The following PPP1R21 variants were observed in gnomAD, a reference collection of about 807,000 sequenced individuals.
The protein encoded by PPP1R21 is KLRAQ motif containing 1.
In PPP1R21, 85 loss-of-function variants were observed where a neutral mutation model predicts 112.8. The ratio of observed to expected loss-of-function variants is 0.75; its 90% CI spans 0.63 to 0.90. The LOEUF is 0.90. PPP1R21 is among the 40% of genes least tolerant of loss of function. The pLI, the probability that PPP1R21 is intolerant of heterozygous loss-of-function variation, is 0.00. For synonymous variants in PPP1R21, 381 were observed against 322.3 expected (o/e 1.18, Z -1.95); for missense variants, 1,199 against 901.5 (o/e 1.33, Z -4.23).
At chr2:48,504,260 G>A (rs1405637664) in intron 17 of PPP1R21, among the ~76,000 whole-genome samples, 1 of 152,120 alleles carries the variant, frequency 6.6e-6, no homozygotes, top group Non-Finnish European at 1.5e-5. Flanking sequence ...TTACAGCCAG[G>A]TGGGCATAAC....
intron 21 of PPP1R21, among the ~76,000 whole-genome samples, 158 bp downstream of exon 21, chr2:48,511,626 C>G (rs1477998740): frequency 6.6e-6 from 1 of 150,706 alleles, no homozygotes. Flanking sequence ...CTTTGGGAGG[C>G]TGAGGTGGGA....
chr2:48,475,496 G>A (rs74720534), intron 12 of PPP1R21, among the ~76,000 whole-genome samples: 13,985 of 152,196 alleles, frequency 0.092, 732 homozygotes, highest in Non-Finnish European at 0.11. Flanking sequence ...AACAAGTAGC[G>A]TAGGGGAGCT....
rs1180197196 is a variant in PPP1R21 at position 48,498,647 on chromosome 2, C to T, written c.1847C>T (p.Ala616Val). The part of the protein sequence containing the change: ...NTGSAQLVGL[A>V]QENAAVSNTA... ...GGTAGTGCCCAGCTGGTTGGGCTGG[C>T]CCAGGAAAATGCTGCTGTGTCAAAT... Residue 616 changes from alanine to valine, a missense_variant, in exon 17 of 22, where the codon GCC (alanine) becomes GTC (valine). Ala to Val is a moderately conservative substitution (Grantham distance 64). Coordinates refer to ENST00000294952, the MANE Select transcript of PPP1R21 (RefSeq NM_001135629.3). 1 of 1,614,212 alleles carries T rather than the reference C, an allele frequency of 6.2e-7. No homozygotes were observed.
intron 1 of PPP1R21, among the ~76,000 whole-genome samples, chr2:48,450,129 C>T (rs1667411011): frequency 6.6e-6 from 1 of 152,138 alleles, no homozygotes; most frequent in Non-Finnish European, 1.5e-5. Flanking sequence ...AGTTTTACCT[C>T]TTTCTCCAAA....
chr2:48,506,309 G>T (rs1171588477), intron 18 of PPP1R21, among the ~76,000 whole-genome samples: 1 of 152,120 alleles, frequency 6.6e-6, no homozygotes, highest in Non-Finnish European at 1.5e-5. Flanking sequence ...GGCCAGGCTG[G>T]TCTCAAACTC....
At chr2:48,462,450 A>T (rs1191649809) in intron 7 of PPP1R21, among the ~76,000 whole-genome samples, 1 of 152,182 alleles carries the variant, frequency 6.6e-6, no homozygotes, top group East Asian at 1.9e-4. Flanking sequence ...TGGTGTGGGG[A>T]AGCCTTCCCA....
At chr2:48,473,273 C>T (rs1668605631) in intron 11 of PPP1R21, among the ~76,000 whole-genome samples, 1 of 149,298 alleles carries the variant, frequency 6.7e-6, no homozygotes, top group Admixed American at 6.7e-5. Context: ...TATTTTAGAT[C>T]ATTATATGTT....
intron 9 of PPP1R21, among the ~76,000 whole-genome samples, chr2:48,468,825 A>ACGTATGTG (rs1553339031): frequency 4.6e-5 from 2 of 43,906 alleles, no homozygotes; most frequent in African/African-American, 1.7e-4. Context: ...AAGAAAAAAA[A>ACGTATGTG]TGTATGTGTG....
chr2:48,511,096 A>G (rs896683856), intron 20 of PPP1R21, among the ~76,000 whole-genome samples: 1 of 152,172 alleles, frequency 6.6e-6, no homozygotes, highest in African/African-American at 2.4e-5. Context: ...TATTTTGATT[A>G]TTTTGATACC....
intron 3 of PPP1R21, among the ~76,000 whole-genome samples, chr2:48,457,607 CTATT>C (rs1413044228): frequency 1.3e-5 from 2 of 151,938 alleles, no homozygotes; most frequent in African/African-American, 4.8e-5. Flanking sequence ...GAGAATTTTC[CTATT>C]TATTTATAAT....
At chr2:48,481,281 G>A (rs1014598643) in intron 13 of PPP1R21, among the ~76,000 whole-genome samples, 1 of 152,216 alleles carries the variant, frequency 6.6e-6, no homozygotes, top group Admixed American at 6.5e-5. Flanking sequence ...GAGCCACTGG[G>A]CCTGGCCCCA....
rs1383283045 is a variant in PPP1R21, at chr2:48,509,630, G to A, written c.2086-385G>A. 3.9e-5 allele frequency among the ~76,000 whole-genome samples: 6 copies of A among 151,950 alleles called. No individual in the cohort carries two copies. The East Asian group carries it at 7.7e-4, about 20-fold the overall frequency. On this transcript the variant is annotated intron_variant, in intron 19 of 21. Coordinates refer to ENST00000294952, the MANE Select transcript of PPP1R21 (RefSeq NM_001135629.3). ...TGAGGCAGGAGGATCACTTGAACCCGGGAGGTGGAGGTTGCAGTGAGCCAA... is the reference window on the plus strand; with the variant it reads ...TGAGGCAGGAGGATCACTTGAACCCAGGAGGTGGAGGTTGCAGTGAGCCAA...
chr2:48,468,987 G>T (rs1299909707), intron 9 of PPP1R21, among the ~76,000 whole-genome samples: 1 of 151,884 alleles, frequency 6.6e-6, no homozygotes, highest in Non-Finnish European at 1.5e-5. Context: ...ACATGGCTGG[G>T]GAGGCCTCAG....
chr2:48,489,558 C>G (rs1025526187), intron 14 of PPP1R21, among the ~76,000 whole-genome samples: 45 of 151,860 alleles, frequency 3.0e-4, no homozygotes, highest in African/African-American at 1.1e-3. Flanking sequence ...CCAGGCTGGT[C>G]TTGAACTCTG....
At chr2:48,447,569 A>G (rs1363493377) in intron 1 of PPP1R21, among the ~76,000 whole-genome samples, 1 of 152,174 alleles carries the variant, frequency 6.6e-6, no homozygotes, top group African/African-American at 2.4e-5. Flanking sequence ...ACCATCCGGT[A>G]ATCTTATACC....
At chr2:48,485,930 A>G (rs1669270362) in intron 13 of PPP1R21, among the ~76,000 whole-genome samples, 1 of 40,806 alleles carries the variant, frequency 2.5e-5, no homozygotes, top group African/African-American at 8.7e-5. Flanking sequence ...AATATATACA[A>G]TTGTATATAC....
At chr2:48,452,557 T>C (rs1667525039) in intron 2 of PPP1R21, among the ~76,000 whole-genome samples, 1 of 146,142 alleles carries the variant, frequency 6.8e-6, no homozygotes, top group Non-Finnish European at 1.5e-5. Context: ...AAATAAATTA[T>C]TTTTTTTTTT....
chr2:48,480,273 C>G (rs1396322482), intron 13 of PPP1R21, among the ~76,000 whole-genome samples: 1 of 152,174 alleles, frequency 6.6e-6, no homozygotes, highest in Admixed American at 6.5e-5. Flanking sequence ...ATACGTTACA[C>G]TGACTTTAGG....
Position 48,486,771 on chromosome 2 carries a change from T to C in PPP1R21, c.1446+13T>C, listed in dbSNP as rs548060129. ...TGGAGCAGGAAAGGTAATTCTCTTC[T>C]GGCGTATATTGATGTTAAAACTCTT... On this transcript the variant is annotated intron_variant, in intron 14 of 21. Transcript: ENST00000294952. 1 of 1,607,374 alleles carries C rather than the reference T, an allele frequency of 6.2e-7. No homozygotes were observed. The highest frequency in any genetic ancestry group is 1.3e-5 in the African/African-American group (1 of 74,686).
Sources: gnomAD v4.1 joint callset for allele counts (sites outside exome capture counted in the v4.1 genomes callset) on GRCh38, gnomAD v4.1.1 for gene constraint, MANE v1.5 for transcripts, NCBI Gene and HGNC (gene_info 2026-07-23, HGNC 2026-07-21) for gene names.